The following VPS8 variants were observed in gnomAD, a reference collection of about 807,000 sequenced individuals.
VPS8 encodes vacuolar protein sorting-associated protein 8 homolog.
A neutral mutation model predicts 216.4 loss-of-function variants in VPS8; 129 were observed. That is an observed-to-expected ratio of 0.60 (90% confidence interval 0.52 to 0.69). The LOEUF is 0.69. Among genes scored for constraint, VPS8 ranks in the 30% least tolerant of loss-of-function variants. VPS8 has a pLI of 0.00. For missense variants in VPS8, 1,531 were observed against 1,683.5 expected (o/e 0.91, Z 1.59); for synonymous variants, 571 against 565.4 (o/e 1.01, Z -0.14).
At chr3:184,990,413 C>T (rs766109678) in intron 42 of VPS8, among the ~76,000 whole-genome samples, 38 of 152,212 alleles carry the variant, frequency 2.5e-4, no homozygotes, top group Admixed American at 1.8e-3. Flanking sequence ...TTACCTACAA[C>T]ACCCAGTGCA....
intron 45 of VPS8, among the ~76,000 whole-genome samples, chr3:185,001,468 A>T (rs778335085): frequency 6.6e-6 from 1 of 152,210 alleles, no homozygotes; most frequent in Non-Finnish European, 1.5e-5. Flanking sequence ...GAAGAGGTGC[A>T]TAGGGCAAGG....
chr3:184,815,116 TATG>T (rs1716029598), intron 1 of VPS8, among the ~76,000 whole-genome samples: 1 of 152,286 alleles, frequency 6.6e-6, no homozygotes, highest in East Asian at 1.9e-4. Flanking sequence ...TGTCATCTCT[TATG>T]ATAACAGTGC....
At position 184,929,563 on chromosome 3, in the gene VPS8, T is replaced by C; in HGVS notation, c.2715-17T>C. On this transcript the variant is annotated splice_polypyrimidine_tract_variant and intron_variant, in intron 32 of 47. Coordinates refer to ENST00000625842, the MANE Select transcript of VPS8 (RefSeq NM_001009921.3). ...CTCCCTGTTTGGTACACTGAAGTTT[T>C]TCCCTTTACATTCTAGCTATCAAAT... The C allele has an allele frequency of 6.9e-7, 1 of 1,443,002 alleles. No homozygotes were observed. Among genetic ancestry groups the C allele is most frequent in the South Asian group, 1.3e-5 (1 of 79,596 alleles). 89.4% of individuals were successfully genotyped at this position (1,443,002 alleles called of 1,614,324 possible). A position where few individuals can be genotyped will look rare whatever the true frequency, so the allele number is the denominator to read the frequency against.
rs765792220 is a variant in VPS8, at chr3:184,832,731, T to C, written c.265T>C (p.Leu89=). 22 of 1,607,304 alleles carry C rather than the reference T, an allele frequency of 1.4e-5. No homozygotes were observed. The highest frequency in any genetic ancestry group is 1.3e-4 in the South Asian group (12 of 90,190). ...GTCTTTTATTCTTGAGGATCCTACA[T>C]TGTTAAACATTGATACTATTGATTC... ...DESFILEDPT[L]LNIDTIDSHS... The change falls in exon 4 of 48, where the codon TTG becomes CTG. Residue 89 remains leucine, a synonymous_variant. Coordinates refer to ENST00000625842, the MANE Select transcript of VPS8 (RefSeq NM_001009921.3).
At chr3:185,017,824 G>T (rs544303209) in intron 45 of VPS8, among the ~76,000 whole-genome samples, 1 of 152,108 alleles carries the variant, frequency 6.6e-6, no homozygotes, top group South Asian at 2.1e-4. Context: ...GGTTTGGAAT[G>T]GGGCCCAGGA....
At chr3:184,886,443 G>A (rs1731242343) in intron 22 of VPS8, among the ~76,000 whole-genome samples, 1 of 151,282 alleles carries the variant, frequency 6.6e-6, no homozygotes, top group Non-Finnish European at 1.5e-5. Flanking sequence ...AGTAAAAAGT[G>A]TATGATTCAT....
At chr3:185,025,565 T>G (rs1022139638) in intron 46 of VPS8, among the ~76,000 whole-genome samples, 27 of 152,322 alleles carry the variant, frequency 1.8e-4, no homozygotes, top group African/African-American at 6.5e-4. Context: ...TGAAAAGACC[T>G]ATAACATACT....
intron 10 of VPS8, among the ~76,000 whole-genome samples, chr3:184,851,834 G>A (rs1034799287): frequency 2.6e-5 from 4 of 152,158 alleles, no homozygotes; most frequent in Admixed American, 1.3e-4. Context: ...AATGGTACAA[G>A]TTCAGTTTAT....
At chr3:184,844,641 T>G (rs1283882253) in intron 8 of VPS8, among the ~76,000 whole-genome samples, 1 of 152,186 alleles carries the variant, frequency 6.6e-6, no homozygotes, top group East Asian at 1.9e-4. Flanking sequence ...ATTTTAGGGC[T>G]GTTACAGACT....
At chr3:184,917,578 A>G (rs1215453144) in intron 28 of VPS8, among the ~76,000 whole-genome samples, 1 of 152,068 alleles carries the variant, frequency 6.6e-6, no homozygotes, top group Non-Finnish European at 1.5e-5. Flanking sequence ...TATAGCACAC[A>G]TCACCACACT....
At chr3:184,888,407 T>A (rs1388310750) in intron 22 of VPS8, among the ~76,000 whole-genome samples, 1 of 152,236 alleles carries the variant, frequency 6.6e-6, no homozygotes, top group Non-Finnish European at 1.5e-5. Flanking sequence ...GACTTTTAGC[T>A]GATGGACAGT....
Position 184,964,564 on chromosome 3 carries a change from CT to C in VPS8, c.3273+10del. ...CTTCCTAATAATGTTAGAGGTAACA[CT>C]TTACTATGTTTCTTTCATCATATTT... On this transcript the variant is annotated splice_region_variant and intron_variant, in intron 38 of 47. Coordinates refer to ENST00000625842, the MANE Select transcript of VPS8 (RefSeq NM_001009921.3). The C allele has an allele frequency of 6.9e-7, 1 of 1,448,966 alleles. No individual in the cohort carries two copies. The highest frequency in any genetic ancestry group is 2.3e-5 in the Admixed American group (1 of 44,224). The allele number at this position is 1,448,966 out of a possible 1,614,324, so 89.8% of individuals were successfully genotyped here.
chr3:184,843,218 C>G (rs757581127), intron 7 of VPS8, 22 bp from the exon 8 acceptor site: 7 of 1,429,108 alleles, frequency 4.9e-6, no homozygotes, highest in African/African-American at 2.9e-5. Flanking sequence ...CTTTCTTGAT[C>G]TTTTCTTCAT....
chr3:184,894,954 T>C (rs368602665), intron 23 of VPS8, 29 bp downstream of exon 23: 4 of 1,537,696 alleles, frequency 2.6e-6, no homozygotes, highest in African/African-American at 2.7e-5. Flanking sequence ...TACTAACTTA[T>C]GAAATAAACT....
At chr3:185,028,127 C>T (rs1376725026) in intron 46 of VPS8, among the ~76,000 whole-genome samples, 2 of 152,110 alleles carry the variant, frequency 1.3e-5, no homozygotes, top group East Asian at 3.9e-4. Context: ...TTCGTGTTAG[C>T]TGGACTCTCC....
chr3:184,852,906 A>G (rs1325837344), intron 11 of VPS8, among the ~76,000 whole-genome samples: 3 of 152,186 alleles, frequency 2.0e-5, no homozygotes, highest in African/African-American at 7.2e-5. Flanking sequence ...GGGCAGGTGT[A>G]AACAGGTTTT....
chr3:184,853,534 A>C (rs751815141), intron 11 of VPS8, among the ~76,000 whole-genome samples: 1 of 152,222 alleles, frequency 6.6e-6, no homozygotes, highest in Non-Finnish European at 1.5e-5. Flanking sequence ...GGAAGAAAGC[A>C]GGTGTGGCTG....
chr3:185,050,182 C>T (rs1029725846), intron 47 of VPS8, among the ~76,000 whole-genome samples: 2 of 149,314 alleles, frequency 1.3e-5, no homozygotes, highest in Non-Finnish European at 2.9e-5. Flanking sequence ...GATGTGAAAG[C>T]ATTGAGTTGA....
intron 16 of VPS8, 87 bp downstream of exon 16, chr3:184,863,154 T>A: frequency 6.7e-7 from 1 of 1,493,842 alleles, no homozygotes. Context: ...ATAGGAACTC[T>A]GGGGAGTTAC....
Sources: gnomAD v4.1 joint callset for allele counts (sites outside exome capture counted in the v4.1 genomes callset) on GRCh38, gnomAD v4.1.1 for gene constraint, MANE v1.5 for transcripts, NCBI Gene and HGNC (gene_info 2026-07-23, HGNC 2026-07-21) for gene names.